Variants in PADI2 observed in about 807,000 individuals in gnomAD.
PADI2 encodes the protein protein-arginine deiminase type-2.
In PADI2, 70 loss-of-function variants were observed where a neutral mutation model predicts 81.1. That is an observed-to-expected ratio of 0.86 (90% confidence interval 0.71 to 1.05). The LOEUF (loss-of-function observed/expected upper bound fraction) is 1.05, where lower values mean the gene tolerates loss of function less well. Ranked by LOEUF, PADI2 falls within the 50% of genes least tolerant of loss-of-function variation. PADI2 has a pLI of 0.00. For missense variants in PADI2, 853 were observed against 889.9 expected (o/e 0.96, Z 0.53); for synonymous variants, 338 against 358.0 (o/e 0.94, Z 0.63).
chr1:17,104,007 C>T (rs182025939), intron 2 of PADI2, among the ~76,000 whole-genome samples: 1 of 149,782 alleles, frequency 6.7e-6, no homozygotes, highest in African/African-American at 2.5e-5. Flanking sequence ...AACAGGCCGG[C>T]CGCGGTGGCT....
In PADI2 at chr1:17,119,219, G is replaced by C. The variant is rs1569610975; in HGVS notation, c.92+61C>G. ...AGGCTGTCCACGTCCCCGAGTCTGAGCGCGTCTCAGGATTTCTGGGCTCGA... is the reference window on the plus strand; with the variant it reads ...AGGCTGTCCACGTCCCCGAGTCTGACCGCGTCTCAGGATTTCTGGGCTCGA... On this transcript the variant is annotated intron_variant, in intron 1 of 15. Coordinates refer to ENST00000375486, the MANE Select transcript of PADI2 (RefSeq NM_007365.3). This position sits in a 1 kb window ranked among gnomAD's most constrained non-coding sequence, Gnocchi z 4.8. 4 of 1,198,588 alleles carry C rather than the reference G, an allele frequency of 3.3e-6. No homozygotes were observed. Among genetic ancestry groups the C allele is most frequent in the South Asian group, 1.4e-5 (1 of 72,224 alleles). 74.2% of individuals were successfully genotyped at this position (1,198,588 alleles called of 1,614,324 possible). A position where few individuals can be genotyped will look rare whatever the true frequency, so the allele number is the denominator to read the frequency against.
intron 1 of PADI2, among the ~76,000 whole-genome samples, chr1:17,108,351 G>A (rs1294684901): frequency 6.6e-6 from 1 of 152,066 alleles, no homozygotes; most frequent in Non-Finnish European, 1.5e-5. Context: ...CCTGACTTGA[G>A]GGGGTCTGCA....
chr1:17,069,669 A>C (rs558924569), intron 15 of PADI2, among the ~76,000 whole-genome samples: 1 of 151,946 alleles, frequency 6.6e-6, no homozygotes, highest in Non-Finnish European at 1.5e-5. Flanking sequence ...TTCTGTGTGC[A>C]TGTGTGTGTA....
chr1:17,112,796 T>C (rs951947694), intron 1 of PADI2, among the ~76,000 whole-genome samples: 1 of 152,182 alleles, frequency 6.6e-6, no homozygotes, highest in Non-Finnish European at 1.5e-5. Flanking sequence ...CTATAGCTAC[T>C]CCTCTCCTCA....
intron 9 of PADI2, 129 bp from the exon 10 acceptor site, chr1:17,082,781 C>T (rs2078354342): frequency 1.6e-6 from 1 of 613,252 alleles, no homozygotes; most frequent in South Asian, 2.0e-5. Context: ...TCCCTGGTCC[C>T]CCATCCTCCT....
At chr1:17,097,366 T>C (rs1930973724) in intron 3 of PADI2, among the ~76,000 whole-genome samples, 1 of 152,198 alleles carries the variant, frequency 6.6e-6, no homozygotes, top group Non-Finnish European at 1.5e-5. Context: ...CTGCATACCC[T>C]AGACCTGCAT....
Position 17,082,626 on chromosome 1 carries a change from C to T in PADI2, c.1077G>A (p.Glu359=), listed in dbSNP as rs139824702. Residue 359 remains glutamate (E), a synonymous_variant, in exon 10 of 16, where the codon GAG becomes GAA. Coordinates refer to ENST00000375486, the MANE Select transcript of PADI2 (RefSeq NM_007365.3). The stretch of plus-strand genomic sequence containing the variant: ...CCACGGGGAAGCCTTTATGGGGGGC[C>T]TCGATGTAGCCAAACTCAATTTCAT... ...IQDEIEFGYI[E]APHKGFPVVL... is the part of the protein sequence containing the mutation. 2.7e-4 allele frequency: 427 copies of T among 1,609,074 alleles called. 3 individuals carry two copies. Among genetic ancestry groups the T allele is most frequent in the South Asian group, 1.2e-3 (111 of 90,692 alleles).
At chr1:17,090,984 G>T (rs1041515099) in intron 6 of PADI2, among the ~76,000 whole-genome samples, 10 of 152,032 alleles carry the variant, frequency 6.6e-5, no homozygotes, top group African/African-American at 2.4e-4. Flanking sequence ...TGCTCCCACT[G>T]GTGATCCCAT....
intron 4 of PADI2, among the ~76,000 whole-genome samples, chr1:17,094,766 G>T (rs1930846471): frequency 1.3e-5 from 2 of 152,238 alleles, no homozygotes; most frequent in South Asian, 4.1e-4. Context: ...GGCTCATGGG[G>T]ATCGTGTGAC....
At chr1:17,090,865 A>G (rs574254474) in intron 6 of PADI2, among the ~76,000 whole-genome samples, 40 of 152,192 alleles carry the variant, frequency 2.6e-4, no homozygotes, top group Admixed American at 7.2e-4. Context: ...TCCCTTTAGC[A>G]AAAAGAAGAA....
At chr1:17,086,897 C>T (rs774146897) in intron 6 of PADI2, among the ~76,000 whole-genome samples, 198 bp from the exon 7 acceptor site, 1 of 152,180 alleles carries the variant, frequency 6.6e-6, no homozygotes, top group Non-Finnish European at 1.5e-5. Context: ...GGCTGTGTGG[C>T]GCTTTGCCAG....
intron 6 of PADI2, among the ~76,000 whole-genome samples, chr1:17,091,883 C>T (rs2101592671): frequency 6.6e-6 from 1 of 152,230 alleles, no homozygotes; most frequent in Non-Finnish European, 1.5e-5. Context: ...CCAAAGGGCT[C>T]AACACATATC....
At chr1:17,076,361 T>A (rs1185474465) in intron 11 of PADI2, among the ~76,000 whole-genome samples, 1 of 151,642 alleles carries the variant, frequency 6.6e-6, no homozygotes, top group Non-Finnish European at 1.5e-5. Flanking sequence ...ACTACAGGCG[T>A]GTGCCACCAC....
chr1:17,078,334 C>T (rs2078319871), intron 11 of PADI2, among the ~76,000 whole-genome samples: 1 of 152,162 alleles, frequency 6.6e-6, no homozygotes, highest in African/African-American at 2.4e-5. Flanking sequence ...AGGTCTCAAA[C>T]TCCCGACCTC....
intron 13 of PADI2, among the ~76,000 whole-genome samples, chr1:17,073,426 A>AAAAG (rs2078278456): frequency 6.6e-6 from 1 of 151,982 alleles, no homozygotes; most frequent in Admixed American, 6.6e-5. Context: ...CAAAAAAAAA[A>AAAAG]AAAAAAAGTA....
intron 13 of PADI2, among the ~76,000 whole-genome samples, chr1:17,072,339 G>C (rs1274351286): frequency 6.6e-6 from 1 of 152,212 alleles, no homozygotes; most frequent in Non-Finnish European, 1.5e-5. Context: ...TTGAGGCTTA[G>C]GGACTCAGAA....
intron 13 of PADI2, among the ~76,000 whole-genome samples, chr1:17,073,420 A>AAAG (rs1383320328): frequency 6.6e-6 from 1 of 151,198 alleles, no homozygotes; most frequent in African/African-American, 2.4e-5. Flanking sequence ...GTGTCTCAAA[A>AAAG]AAAAAAAAAA....
rs1557754384 is a variant in PADI2, at chr1:17,067,856, T to G, written c.*1188A>C. The G allele has an allele frequency of 6.6e-6, 1 of 152,310 alleles. No individual in the cohort carries two copies. The highest frequency in any genetic ancestry group is 1.5e-5 in the Non-Finnish European group (1 of 68,042). The allele number at this position is 152,310 out of a possible 1,614,324, so 9.4% of individuals were successfully genotyped here. On this transcript the variant is annotated 3_prime_UTR_variant, in exon 16 of 16. Transcript: ENST00000375486. ...AATGGGATTATAATTCATTTATTCT[T>G]CTGGCCCTAAAGGAACTTTTAACGA... is the stretch of plus-strand genomic sequence containing the variant.
At chr1:17,092,634 G>T in intron 5 of PADI2, 101 bp from the exon 6 acceptor site, 2 of 1,079,552 alleles carry the variant, frequency 1.9e-6, no homozygotes, top group Non-Finnish European at 2.6e-6. Context: ...CCCCATGGAT[G>T]TGTATTATGG....
Sources: allele counts gnomAD v4.1 joint callset (sites outside exome capture counted in the v4.1 genomes callset), GRCh38; gene constraint gnomAD v4.1.1; non-coding constraint Gnocchi (gnomAD v3.1); transcripts MANE v1.5; gene names NCBI Gene and HGNC (gene_info 2026-07-23, HGNC 2026-07-21).